CRMP1: variants seen among roughly 807,000 people sequenced by gnomAD.
CRMP1 encodes the protein collapsin response mediator protein 1.
A neutral mutation model predicts 68.3 loss-of-function variants in CRMP1; 19 were observed. The observed-to-expected ratio is 0.28, with a 90% CI of 0.19 to 0.41. The LOEUF (loss-of-function observed/expected upper bound fraction) is 0.41. Among genes scored for constraint, CRMP1 ranks in the 10% least tolerant of loss-of-function variants. The pLI is 1.00. For synonymous variants in CRMP1, 439 were observed against 399.6 expected, an observed-to-expected ratio of 1.10 and a Z score of -1.18; for missense variants, 791 against 967.4, an observed-to-expected ratio of 0.82 and a Z score of 2.42.
intron 11 of CRMP1, among the ~76,000 whole-genome samples, chr4:5,833,496 G>C (rs1720520944): frequency 6.6e-6 from 1 of 152,188 alleles, no homozygotes; most frequent in South Asian, 2.1e-4. Context: ...AATTTCTTTT[G>C]TTTAAACCAC....
chr4:5,862,988 T>A (rs1213242402), intron 2 of CRMP1, among the ~76,000 whole-genome samples: 2 of 152,138 alleles, frequency 1.3e-5, no homozygotes, highest in Non-Finnish European at 2.9e-5. Flanking sequence ...TGTTTTTAAA[T>A]TTTTTGTAGA....
rs1711987581 is a variant in CRMP1, at chr4:5,843,951, T to C, written c.964-790A>G. ...AAGTTTCTTTGTCCCAGGAACACTT[T>C]AATTTCTAAAATAAAAAATAAAAAA... On this transcript the variant is annotated intron_variant, in intron 6 of 13. Transcript: ENST00000324989. This position sits in a 1 kb window ranked among gnomAD's most constrained non-coding sequence, Gnocchi z 4.1. Among the ~76,000 whole-genome samples, 1 of 148,190 alleles carries C rather than the reference T, an allele frequency of 6.7e-6. No individual in the cohort carries two copies. Among genetic ancestry groups the C allele is most frequent in the South Asian group, 2.1e-4 (1 of 4,712 alleles).
Position 5,891,488 on chromosome 4 carries a change from A to G in CRMP1, c.381+1101T>C, listed in dbSNP as rs889028432. Among the ~76,000 whole-genome samples, 1 of 152,232 alleles carries G rather than the reference A, an allele frequency of 6.6e-6. No homozygotes were observed. Among genetic ancestry groups the G allele is most frequent in the African/African-American group, 2.4e-5 (1 of 41,476 alleles). On this transcript the variant is annotated intron_variant, in intron 1 of 13. Transcript: ENST00000324989. The surrounding 1 kb of genome is among the most constrained non-coding windows in gnomAD (Gnocchi z 5.2). ...TAATAAAAGTCAACAACAAACATTTATTGAATGCTCACTACCGACCGGCAT... is the reference window on the plus strand; with the variant it reads ...TAATAAAAGTCAACAACAAACATTTGTTGAATGCTCACTACCGACCGGCAT...
At position 5,889,481 on chromosome 4, in the gene CRMP1, G is replaced by A. The variant is rs1715840783; in HGVS notation, c.381+3108C>T. The A allele has an allele frequency of 3.7e-6, 5 of 1,338,354 alleles. No individual in the cohort carries two copies. The Admixed American group carries it at 1.0e-4, about 27-fold the overall frequency. 82.9% of individuals were successfully genotyped at this position (1,338,354 alleles called of 1,614,324 possible). ...CAGATGTTGCTCCAGAGGGAGGTGG[G>A]CAGGAAGCCAGGTCACAGCTTGACA... On this transcript the variant is annotated intron_variant, in intron 1 of 13. Transcript: ENST00000324989. The surrounding 1 kb of genome is among the most constrained non-coding windows in gnomAD (Gnocchi z 4.5).
At position 5,853,036 on chromosome 4, in the gene CRMP1, C is replaced by A. The variant is rs11940535; in HGVS notation, c.821-1567G>T. Among the ~76,000 whole-genome samples the A allele has an allele frequency of 0.038, 5,792 of 152,248 alleles. 331 individuals carry two copies. The highest frequency in any genetic ancestry group is 0.13 in the African/African-American group (5,244 of 41,514). On this transcript the variant is annotated intron_variant, in intron 4 of 13. Transcript: ENST00000324989. This position sits in a 1 kb window ranked among gnomAD's most constrained non-coding sequence, Gnocchi z 4.7. ...GAACAAGCCAGTCTGGAGGAGCAGGCGCATCCTGATGAGCCAGGCAGACAG... is the reference window on the plus strand; with the variant it reads ...GAACAAGCCAGTCTGGAGGAGCAGGAGCATCCTGATGAGCCAGGCAGACAG...
rs774376719 is a variant in CRMP1 at position 5,889,620 on chromosome 4, C to A, written c.381+2969G>T. 6.5e-7 allele frequency: 1 copy of A among 1,536,190 alleles called. No individual in the cohort carries two copies. The highest frequency in any genetic ancestry group is 1.2e-5 in the South Asian group (1 of 84,064). ...CCAAGTTCCCAGGCAGAATAAAACA[C>A]CAACCTTGTCCACCACTTCGTTGTT... On this transcript the variant is annotated intron_variant, in intron 1 of 13. Coordinates refer to ENST00000324989, the MANE Select transcript of CRMP1 (RefSeq NM_001014809.3). The surrounding 1 kb of genome is among the most constrained non-coding windows in gnomAD (Gnocchi z 4.5).
chr4:5,839,794 A>G, intron 8 of CRMP1, 116 bp from the exon 9 acceptor site: 4 of 1,203,494 alleles, frequency 3.3e-6, no homozygotes, highest in Non-Finnish European at 4.5e-6. Context: ...AGGCCAGAAC[A>G]CTGGCCACCG....
chr4:5,888,503 G>A lies in CRMP1; in HGVS notation c.381+4086C>T, dbSNP rs1018997374. On this transcript the variant is annotated intron_variant, in intron 1 of 13. Transcript: ENST00000324989. This position sits in a 1 kb window ranked among gnomAD's most constrained non-coding sequence, Gnocchi z 6.4. Reference sequence around the variant, plus strand: ...TCGGCGAGGAGGGCGGGAGAAGGAGGAGGGAGAGGCGAGGGCGGGAGGAGG... The same window carrying A: ...TCGGCGAGGAGGGCGGGAGAAGGAGAAGGGAGAGGCGAGGGCGGGAGGAGG... The A allele has an allele frequency of 1.1e-5, 13 of 1,198,524 alleles. No homozygotes were observed. The highest frequency in any genetic ancestry group is 1.3e-5 in the Non-Finnish European group (13 of 966,918). 74.2% of individuals were successfully genotyped at this position (1,198,524 alleles called of 1,614,324 possible).
chr4:5,822,444 A>G (rs1474333719), intron 13 of CRMP1, among the ~76,000 whole-genome samples: 1 of 150,774 alleles, frequency 6.6e-6, no homozygotes, highest in African/African-American at 2.4e-5. Flanking sequence ...TGTGCATGTG[A>G]ACTCCGCAAG....
In CRMP1 at chr4:5,828,748, CATT is replaced by C. The variant is rs1485458065; in HGVS notation, c.1624-83_1624-81del. 6.7e-6 allele frequency: 10 copies of C among 1,494,266 alleles called. No homozygotes were observed. The East Asian group carries it at 1.8e-4, about 28-fold the overall frequency. 92.6% of individuals were successfully genotyped at this position (1,494,266 alleles called of 1,614,324 possible). On this transcript the variant is annotated intron_variant, in intron 11 of 13. Coordinates refer to ENST00000324989, the MANE Select transcript of CRMP1 (RefSeq NM_001014809.3). ...TGTTCATAACAGCGATTTTGCCTAA[CATT>C]ATATCATAAGCGTGTTCCAATGTTT...
intron 1 of CRMP1, among the ~76,000 whole-genome samples, chr4:5,876,043 C>G (rs1185194073): frequency 6.6e-6 from 1 of 151,640 alleles, no homozygotes; most frequent in South Asian, 2.1e-4. Context: ...GTCCCAGCTA[C>G]TTGGGAGGCT....
chr4:5,892,667 C>A lies in CRMP1; in HGVS notation c.303G>T (p.Glu101Asp). 1.7e-6 allele frequency: 2 copies of A among 1,196,538 alleles called. No individual in the cohort carries two copies. The highest frequency in any genetic ancestry group is 7.8e-5 in the South Asian group (2 of 25,666). The allele number at this position is 1,196,538 out of a possible 1,614,324, so 74.1% of individuals were successfully genotyped here. Reference sequence around the variant, plus strand: ...GCAGCGTCGGCGGCCGCTCGTCGCGCTCTCCGGGAGAGCTGACCGCGGAGC... The same window carrying A: ...GCAGCGTCGGCGGCCGCTCGTCGCGATCTCCGGGAGAGCTGACCGCGGAGC... ...PSGSAVSSPGERDERPPTLRI... is the reference protein window; with the variant it reads ...PSGSAVSSPGDRDERPPTLRI... The change falls in exon 1 of 14, where the codon GAG becomes GAT. Residue 101 changes from glutamate to aspartate, a missense_variant. Coordinates refer to ENST00000324989, the MANE Select transcript of CRMP1 (RefSeq NM_001014809.3). The surrounding 1 kb of genome is among the most constrained non-coding windows in gnomAD (Gnocchi z 8.6).
intron 1 of CRMP1, among the ~76,000 whole-genome samples, chr4:5,886,023 G>A (rs1715560987): frequency 6.6e-6 from 1 of 152,188 alleles, no homozygotes; most frequent in African/African-American, 2.4e-5. Flanking sequence ...TTAGCAAAAG[G>A]TACTCAGGAA....
intron 6 of CRMP1, among the ~76,000 whole-genome samples, chr4:5,848,131 T>C (rs1345927922): frequency 6.6e-6 from 1 of 151,346 alleles, no homozygotes; most frequent in African/African-American, 2.4e-5. Flanking sequence ...AGAACCTAGC[T>C]AGTCACCCTG....
Position 5,841,386 on chromosome 4 carries a change from G to A in CRMP1, c.1075C>T (p.Arg359Trp), listed in dbSNP as rs149255467. ...GTGATGTACACAGGGCAGTTGATCC[G>A]GCCCGCAATGGTGATGGCCCGGAAC... ...AVFRAITIAG[R>W]INCPVYITKV... Residue 359 changes from arginine (R) to tryptophan (W), a missense_variant, in exon 8 of 14, where the codon CGG (arginine) becomes TGG (tryptophan). Arg to Trp is a moderately radical substitution (Grantham distance 101). This residue lies in a region of CRMP1 where 594 missense variants were observed against 763.6 expected (regional missense o/e 0.78). Coordinates refer to ENST00000324989, the MANE Select transcript of CRMP1 (RefSeq NM_001014809.3). This position sits in a 1 kb window ranked among gnomAD's most constrained non-coding sequence, Gnocchi z 6.9. The A allele has an allele frequency of 1.2e-6, 2 of 1,614,150 alleles. No individual in the cohort carries two copies. Among genetic ancestry groups the A allele is most frequent in the Non-Finnish European group, 1.7e-6 (2 of 1,180,026 alleles).
At chr4:5,862,511 CCTTAA>C (rs1713652786) in intron 2 of CRMP1, among the ~76,000 whole-genome samples, 1 of 152,178 alleles carries the variant, frequency 6.6e-6, no homozygotes, top group African/African-American at 2.4e-5. Context: ...GACACTCGAC[CCTTAA>C]CTTAAAAGGA....
At position 5,855,340 on chromosome 4, in the gene CRMP1, T is replaced by C. The variant is rs1712970404; in HGVS notation, c.820+803A>G. Among the ~76,000 whole-genome samples the C allele has an allele frequency of 6.6e-6, 1 of 152,224 alleles. No homozygotes were observed. The highest frequency in any genetic ancestry group is 1.5e-5 in the Non-Finnish European group (1 of 68,040). On this transcript the variant is annotated intron_variant, in intron 4 of 13. Transcript: ENST00000324989. This position sits in a 1 kb window ranked among gnomAD's most constrained non-coding sequence, Gnocchi z 4.9. ...AATTGGAAACACACCCTCGCTCTCC[T>C]TGAAGCACCACCATTTGAGGCTGCC...
In CRMP1 at chr4:5,859,320, G is replaced by A. The variant is rs1329382365; in HGVS notation, c.655+1706C>T. On this transcript the variant is annotated intron_variant, in intron 3 of 13. Coordinates refer to ENST00000324989, the MANE Select transcript of CRMP1 (RefSeq NM_001014809.3). The surrounding 1 kb of genome is among the most constrained non-coding windows in gnomAD (Gnocchi z 5.2). ...TTGGAAACTGCCCTTCACAGGTGAG[G>A]AGGATAAGGCTTACAGGGCAGGGCT... 2.6e-5 allele frequency among the ~76,000 whole-genome samples: 4 copies of A among 152,168 alleles called. No homozygotes were observed. The highest frequency in any genetic ancestry group is 9.7e-5 in the African/African-American group (4 of 41,450).
chr4:5,824,342 C>T, intron 13 of CRMP1: 7 of 985,406 alleles, frequency 7.1e-6, no homozygotes, highest in Non-Finnish European at 8.4e-6. Context: ...ACACTGGAAG[C>T]TCTTCCATCA....
Sources: allele counts gnomAD v4.1 joint callset (sites outside exome capture counted in the v4.1 genomes callset), GRCh38; gene constraint gnomAD v4.1.1; regional missense constraint gnomAD v4.1.1; non-coding constraint Gnocchi (gnomAD v3.1); transcripts MANE v1.5; gene names NCBI Gene and HGNC (gene_info 2026-07-23, HGNC 2026-07-21).